TRABD2B: variants seen among roughly 807,000 people sequenced by gnomAD.
The protein encoded by TRABD2B is TraB domain containing 2B, also known as metalloprotease TIKI2.
TRABD2B carries 14 observed loss-of-function variants against 40.1 expected under a neutral mutation model. The observed-to-expected ratio is 0.35, with a 90% CI of 0.23 to 0.55. TRABD2B has a LOEUF of 0.55. Among genes scored for constraint, TRABD2B ranks in the 20% least tolerant of loss-of-function variants. The probability of loss-of-function intolerance (pLI) is 0.90; values close to 1 mark genes in which losing one functional copy is unlikely to be tolerated. For missense variants in TRABD2B, 541 were observed against 648.6 expected (o/e 0.83, Z 1.80); for synonymous variants, 263 against 277.0 (o/e 0.95, Z 0.50).
At chr1:47,787,154 A>G (rs1644607224) in intron 4 of TRABD2B, among the ~76,000 whole-genome samples, 1 of 152,186 alleles carries the variant, frequency 6.6e-6, no homozygotes, top group Non-Finnish European at 1.5e-5. Context: ...TGCCCTGAGG[A>G]CTATGGAGAT....
At chr1:47,849,638 CCT>C (rs1463649471) in intron 2 of TRABD2B, among the ~76,000 whole-genome samples, 1 of 152,216 alleles carries the variant, frequency 6.6e-6, no homozygotes, top group Non-Finnish European at 1.5e-5. Flanking sequence ...TGTGTCTTTA[CCT>C]CTCTGTCTCC....
Position 47,762,167 on chromosome 1 carries a change from C to T in TRABD2B, c.*3735G>A, listed in dbSNP as rs1332963758. ...GGGAGTTTCCAGGGGTAGGGAGCAGCATGTGTGAAACATCCTGTCTATTCT... is the reference window on the plus strand; with the variant it reads ...GGGAGTTTCCAGGGGTAGGGAGCAGTATGTGTGAAACATCCTGTCTATTCT... On this transcript the variant is annotated 3_prime_UTR_variant, in exon 7 of 7. Coordinates refer to ENST00000606738, the MANE Select transcript of TRABD2B (RefSeq NM_001194986.2). 6.6e-6 allele frequency: 1 copy of T among 152,204 alleles called. No homozygotes were observed. Among genetic ancestry groups the T allele is most frequent in the Non-Finnish European group, 1.5e-5 (1 of 68,074 alleles). 9.4% of individuals were successfully genotyped at this position (152,204 alleles called of 1,614,324 possible). A position where few individuals can be genotyped will look rare whatever the true frequency, so the allele number is the denominator to read the frequency against.
intron 2 of TRABD2B, among the ~76,000 whole-genome samples, chr1:47,816,072 C>G (rs1645028457): frequency 6.6e-6 from 1 of 152,194 alleles, no homozygotes; most frequent in Non-Finnish European, 1.5e-5. Context: ...CTTAGACTGA[C>G]TTGCCAGGCC....
chr1:47,944,709 G>C (rs1204099018), intron 2 of TRABD2B, among the ~76,000 whole-genome samples: 1 of 152,166 alleles, frequency 6.6e-6, no homozygotes. Flanking sequence ...CTGGAAGTCT[G>C]CCACTTCTCT....
At chr1:47,955,315 C>CA (rs1645403056) in intron 2 of TRABD2B, among the ~76,000 whole-genome samples, 1 of 152,200 alleles carries the variant, frequency 6.6e-6, no homozygotes, top group Non-Finnish European at 1.5e-5. Context: ...TTTCTCCTTC[C>CA]ACCACCTCTC....
chr1:47,994,643 G>A lies in TRABD2B; in HGVS notation c.103-46C>T. 1.3e-6 allele frequency: 2 copies of A among 1,497,240 alleles called. No individual in the cohort carries two copies. Among genetic ancestry groups the A allele is most frequent in the Non-Finnish European group, 8.9e-7 (1 of 1,123,450 alleles). The allele number at this position is 1,497,240 out of a possible 1,614,324, so 92.7% of individuals were successfully genotyped here. On this transcript the variant is annotated intron_variant, in intron 1 of 6. Coordinates refer to ENST00000606738, the MANE Select transcript of TRABD2B (RefSeq NM_001194986.2). This position sits in a 1 kb window ranked among gnomAD's most constrained non-coding sequence, Gnocchi z 6.7. ...CAAGGCAGTGAGGCCGAAGGCAACA[G>A]AGTAGAGTCAGGGTAGCCCAGAGGC... is the stretch of plus-strand genomic sequence containing the variant.
intron 2 of TRABD2B, among the ~76,000 whole-genome samples, chr1:47,872,917 T>C (rs1160705318): frequency 6.6e-6 from 1 of 152,120 alleles, no homozygotes; most frequent in African/African-American, 2.4e-5. Flanking sequence ...TGAAATACTA[T>C]AGACTGAGAA....
At chr1:47,790,736 T>A (rs1010716825) in intron 4 of TRABD2B, among the ~76,000 whole-genome samples, 2 of 152,238 alleles carry the variant, frequency 1.3e-5, no homozygotes, top group African/African-American at 4.8e-5. Context: ...TGTTTTCATC[T>A]GCAAAATGAG....
intron 2 of TRABD2B, among the ~76,000 whole-genome samples, chr1:47,890,001 A>C (rs1033061726): frequency 1.3e-5 from 2 of 152,184 alleles, no homozygotes; most frequent in South Asian, 4.1e-4. Flanking sequence ...GGATGGAATG[A>C]AGTTGCTGAA....
At chr1:47,794,861 A>G in intron 3 of TRABD2B, 101 bp from the exon 4 acceptor site, 3 of 1,160,404 alleles carry the variant, frequency 2.6e-6, no homozygotes, top group Non-Finnish European at 3.5e-6. Flanking sequence ...GGCTCACTGC[A>G]GCCTCAACTC....
In TRABD2B at chr1:47,994,429, G is replaced by A. The variant is rs1646060044; in HGVS notation, c.271C>T (p.Pro91Ser). Residue 91 changes from proline (P) to serine (S), a missense_variant, in exon 2 of 7, where the codon CCC (proline) becomes TCC (serine). Transcript: ENST00000606738. The surrounding 1 kb of genome is among the most constrained non-coding windows in gnomAD (Gnocchi z 6.7). Reference protein sequence around the residue: ...RVYFELDLTDPYTISALASCQ... With the variant: ...RVYFELDLTDSYTISALASCQ... ...CTGGCCAGGGCCGAGATGGTGTAGGGGTCTGTAAGGTCCAGCTCAAAGTAG... is the reference window on the plus strand; with the variant it reads ...CTGGCCAGGGCCGAGATGGTGTAGGAGTCTGTAAGGTCCAGCTCAAAGTAG... 6.5e-7 allele frequency: 1 copy of A among 1,536,164 alleles called. No individual in the cohort carries two copies. The highest frequency in any genetic ancestry group is 8.7e-7 in the Non-Finnish European group (1 of 1,146,920).
chr1:47,791,329 TCA>T (rs1397243580), intron 4 of TRABD2B, among the ~76,000 whole-genome samples: 2 of 152,242 alleles, frequency 1.3e-5, no homozygotes, highest in Non-Finnish European at 2.9e-5. Flanking sequence ...GGGGCTTGGC[TCA>T]GACACCTGGC....
At chr1:47,987,716 A>G (rs1645939382) in intron 2 of TRABD2B, among the ~76,000 whole-genome samples, 1 of 152,168 alleles carries the variant, frequency 6.6e-6, no homozygotes. Context: ...GCACAGAAAT[A>G]ATCTGAGTGA....
At chr1:47,861,490 A>G (rs1184724911) in intron 2 of TRABD2B, among the ~76,000 whole-genome samples, 6 of 152,316 alleles carry the variant, frequency 3.9e-5, no homozygotes, top group Middle Eastern at 3.4e-3. Flanking sequence ...ATGGAAAATA[A>G]TAAGACACAA....
chr1:47,971,190 A>G (rs1645677377), intron 2 of TRABD2B, among the ~76,000 whole-genome samples: 1 of 152,176 alleles, frequency 6.6e-6, no homozygotes, highest in African/African-American at 2.4e-5. Flanking sequence ...ATACTCCCCC[A>G]ATACTTCATT....
intron 2 of TRABD2B, among the ~76,000 whole-genome samples, chr1:47,879,785 GA>G (rs1169437094): frequency 6.6e-6 from 1 of 152,258 alleles, no homozygotes; most frequent in African/African-American, 2.4e-5. Flanking sequence ...AGAAGGGCCA[GA>G]AGTGAGAGTG....
intron 2 of TRABD2B, among the ~76,000 whole-genome samples, chr1:47,831,009 A>C (rs1340481429): frequency 6.6e-6 from 1 of 152,200 alleles, no homozygotes; most frequent in African/African-American, 2.4e-5. Context: ...GCGACCAGAG[A>C]GGCAGGGGGC....
intron 3 of TRABD2B, chr1:47,795,688 G>T (rs1010555436): frequency 2.6e-5 from 26 of 985,296 alleles, no homozygotes; most frequent in African/African-American, 1.0e-4. Context: ...ACCCTACAGA[G>T]ATGAGAGAAA....
intron 2 of TRABD2B, among the ~76,000 whole-genome samples, chr1:47,805,560 T>C (rs983879267): frequency 1.3e-5 from 2 of 152,072 alleles, no homozygotes; most frequent in South Asian, 4.2e-4. Flanking sequence ...TCCTGCTGAA[T>C]CCCAATGTCT....
Sources: allele counts gnomAD v4.1 joint callset (sites outside exome capture counted in the v4.1 genomes callset), GRCh38; gene constraint gnomAD v4.1.1; non-coding constraint Gnocchi (gnomAD v3.1); transcripts MANE v1.5; gene names NCBI Gene and HGNC (gene_info 2026-07-23, HGNC 2026-07-21).